The following GREB1L variants were observed in gnomAD, a reference collection of about 807,000 sequenced individuals.
The protein encoded by GREB1L is GREB1-like protein.
In GREB1L, 17 loss-of-function variants were observed where a neutral mutation model predicts 200.8. The observed-to-expected ratio is 0.08, with a 90% CI of 0.06 to 0.13. The LOEUF (loss-of-function observed/expected upper bound fraction) is 0.13, where lower values mean the gene tolerates loss of function less well. Ranked by LOEUF, GREB1L falls within the 10% of genes least tolerant of loss-of-function variation. The pLI is 1.00. For missense variants in GREB1L, 1,657 were observed against 2,367.7 expected (o/e 0.70, Z 6.23); for synonymous variants, 789 against 893.0 (o/e 0.88, Z 2.08).
chr18:21,313,155 AT>A (rs2038817893), intron 1 of GREB1L, among the ~76,000 whole-genome samples: 1 of 151,546 alleles, frequency 6.6e-6, no homozygotes, highest in Non-Finnish European at 1.5e-5. Flanking sequence ...AGATTTTAAT[AT>A]TTTTTAAAAT....
At chr18:21,345,714 A>G (rs1252753593) in intron 1 of GREB1L, among the ~76,000 whole-genome samples, 3 of 152,002 alleles carry the variant, frequency 2.0e-5, no homozygotes, top group Non-Finnish European at 4.4e-5. Context: ...TCTACTAAAA[A>G]TACGAAAATG....
At chr18:21,329,826 T>C (rs2039080315) in intron 1 of GREB1L, among the ~76,000 whole-genome samples, 1 of 152,092 alleles carries the variant, frequency 6.6e-6, no homozygotes, top group Non-Finnish European at 1.5e-5. Flanking sequence ...CTGCATGCAT[T>C]TCCCATCTAG....
chr18:21,307,903 CTT>C (rs111580398), intron 1 of GREB1L, among the ~76,000 whole-genome samples: 8,094 of 152,282 alleles, frequency 0.053, 714 homozygotes, highest in African/African-American at 0.19. Flanking sequence ...CTTCTCATCT[CTT>C]TTCCTCCAGG....
chr18:21,508,699 T>A, intron 27 of GREB1L, 108 bp downstream of exon 27: 9 of 513,276 alleles, frequency 1.8e-5, no homozygotes, highest in Non-Finnish European at 2.4e-5. Flanking sequence ...TGTCCTGCCC[T>A]CCTCACCACT....
intron 1 of GREB1L, among the ~76,000 whole-genome samples, chr18:21,336,843 G>A (rs1265293141): frequency 6.6e-6 from 1 of 152,132 alleles, no homozygotes; most frequent in Non-Finnish European, 1.5e-5. Flanking sequence ...GACTCCCTGT[G>A]CATCTTTCTA....
chr18:21,346,939 T>A (rs974357993), intron 1 of GREB1L, among the ~76,000 whole-genome samples: 8 of 152,196 alleles, frequency 5.3e-5, no homozygotes, highest in African/African-American at 1.9e-4. Flanking sequence ...TTCCTGCCAT[T>A]GTACCTTTCT....
chr18:21,457,774 G>A (rs190044584), intron 15 of GREB1L, among the ~76,000 whole-genome samples: 141 of 152,236 alleles, frequency 9.3e-4, no homozygotes, highest in African/African-American at 3.3e-3. Flanking sequence ...TAAAATGTAC[G>A]GAGAAATTGC....
intron 7 of GREB1L, among the ~76,000 whole-genome samples, chr18:21,410,741 A>T (rs913293777): frequency 6.6e-6 from 1 of 152,036 alleles, no homozygotes; most frequent in African/African-American, 2.4e-5. Flanking sequence ...GAGTAAAAAA[A>T]AAAGCCATAA....
rs1474330461 is a variant in GREB1L, at chr18:21,526,035, A to AACTG, written c.*3219_*3222dup. On this transcript the variant is annotated 3_prime_UTR_variant, in exon 33 of 33. Transcript: ENST00000424526. Reference sequence around the variant, plus strand: ...TGAAAAGACTATTAATTAACTGTGAAACTGACTGCTGCAACATCACACTAA... The same window carrying AACTG: ...TGAAAAGACTATTAATTAACTGTGAAACTGACTGACTGCTGCAACATCACACTAA... Among the ~76,000 whole-genome samples the AACTG allele has an allele frequency of 2.0e-5, 3 of 152,132 alleles. No individual in the cohort carries two copies. Among genetic ancestry groups the AACTG allele is most frequent in the African/African-American group, 7.2e-5 (3 of 41,416 alleles).
intron 15 of GREB1L, among the ~76,000 whole-genome samples, chr18:21,459,687 A>G (rs570510751): frequency 1.8e-4 from 28 of 152,284 alleles, no homozygotes; most frequent in Non-Finnish European, 3.4e-4. Flanking sequence ...AAATAAAGAC[A>G]TATTTTTTTG....
chr18:21,520,893 A>G lies in GREB1L; in HGVS notation c.5608+70A>G, dbSNP rs9947441. The stretch of plus-strand genomic sequence containing the variant: ...ACTGAGCAAAATACAGAAGATAAAG[A>G]TATTTTTAAAAAGCACTTGAGGCCA... On this transcript the variant is annotated intron_variant, in intron 32 of 32. Coordinates refer to ENST00000424526, the MANE Select transcript of GREB1L (RefSeq NM_001142966.3). 0.55 allele frequency: 755,868 copies of G among 1,374,952 alleles called. 216,324 individuals are homozygous for G. The highest frequency in any genetic ancestry group is 0.59 in the Non-Finnish European group (602,616 of 1,028,430). The allele number at this position is 1,374,952 out of a possible 1,614,324, so 85.2% of individuals were successfully genotyped here. A position where few individuals can be genotyped will look rare whatever the true frequency, so the allele number is the denominator to read the frequency against.
In GREB1L at chr18:21,522,828, GA is replaced by G; in HGVS notation, c.*9del. 1 of 1,545,410 alleles carries G rather than the reference GA, an allele frequency of 6.5e-7. No individual in the cohort carries two copies. The highest frequency in any genetic ancestry group is 8.7e-7 in the Non-Finnish European group (1 of 1,144,002). ...TACTGGACGTCATGTATGAGCTTTT[GA>G]AGAGACCAAAACAGCAAAAAGATGC... On this transcript the variant is annotated 3_prime_UTR_variant, in exon 33 of 33. Transcript: ENST00000424526.
intron 11 of GREB1L, among the ~76,000 whole-genome samples, chr18:21,444,792 A>T (rs549359688): frequency 8.8e-4 from 134 of 152,350 alleles, no homozygotes; most frequent in Admixed American, 2.0e-3. Context: ...GTGCAAACAC[A>T]GCCATTGTCT....
intron 27 of GREB1L, 65 bp from the exon 28 acceptor site, chr18:21,513,756 G>A (rs1598956006): frequency 1.4e-6 from 2 of 1,440,410 alleles, no homozygotes; most frequent in Non-Finnish European, 1.9e-6. Context: ...AGCTGCCTGT[G>A]GGGCTTCAGC....
At chr18:21,283,563 T>C in intron 1 of GREB1L, among the ~76,000 whole-genome samples, 1 of 152,162 alleles carries the variant, frequency 6.6e-6, no homozygotes, top group East Asian at 1.9e-4. Context: ...AAAACAAATT[T>C]TAAAAAGCTT....
At chr18:21,292,641 G>C (rs188264609) in intron 1 of GREB1L, among the ~76,000 whole-genome samples, 1 of 152,274 alleles carries the variant, frequency 6.6e-6, no homozygotes, top group Admixed American at 6.5e-5. Context: ...CTTTCACTTA[G>C]CCTGATGTTT....
intron 7 of GREB1L, among the ~76,000 whole-genome samples, chr18:21,430,950 T>C (rs1194294384): frequency 6.6e-6 from 1 of 151,622 alleles, no homozygotes; most frequent in African/African-American, 2.4e-5. Context: ...ATTACTTTAG[T>C]GGCATCCCAT....
At chr18:21,304,290 C>CA (rs1441165215) in intron 1 of GREB1L, among the ~76,000 whole-genome samples, 1 of 151,738 alleles carries the variant, frequency 6.6e-6, no homozygotes, top group Non-Finnish European at 1.5e-5. Context: ...AAGTTATTGT[C>CA]AGTCATACAG....
intron 15 of GREB1L, among the ~76,000 whole-genome samples, chr18:21,458,774 A>G (rs569421210): frequency 2.0e-5 from 3 of 152,378 alleles, no homozygotes; most frequent in Admixed American, 2.0e-4. Flanking sequence ...GTAGACTTGT[A>G]ACTGCTGGAG....
Sources: allele counts gnomAD v4.1 joint callset (sites outside exome capture counted in the v4.1 genomes callset), GRCh38; gene constraint gnomAD v4.1.1; transcripts MANE v1.5; gene names NCBI Gene and HGNC (gene_info 2026-07-23, HGNC 2026-07-21).